TTBK2: variants seen among roughly 807,000 people sequenced by gnomAD.
The protein encoded by TTBK2 is tau-tubulin kinase 2.
Under a neutral mutation model 110.8 loss-of-function variants are expected in TTBK2, and 28 were observed. The observed-to-expected ratio is 0.25, with a 90% confidence interval of 0.19 to 0.35. The LOEUF (loss-of-function observed/expected upper bound fraction) is 0.35. TTBK2 is among the 10% of genes least tolerant of loss of function. The probability of loss-of-function intolerance (pLI) is 1.00; values close to 1 mark genes in which losing one functional copy is unlikely to be tolerated. For synonymous variants in TTBK2, 532 were observed against 527.3 expected (o/e 1.01, Z -0.12); for missense variants, 1,369 against 1,500.3 (o/e 0.91, Z 1.45).
At chr15:42,794,922 T>C in intron 9 of TTBK2, 121 bp from the exon 10 acceptor site, 2 of 1,335,924 alleles carry the variant, frequency 1.5e-6, no homozygotes, top group Non-Finnish European at 2.1e-6. Context: ...TAAAAACTGA[T>C]GGCTCAAATT....
chr15:42,816,633 G>A (rs1029759900), intron 7 of TTBK2, among the ~76,000 whole-genome samples: 3 of 152,066 alleles, frequency 2.0e-5, no homozygotes, highest in Non-Finnish European at 2.9e-5. Context: ...CAACTCTCAA[G>A]CACTTTCCAC....
chr15:42,835,396 T>C (rs1361240786), intron 4 of TTBK2, among the ~76,000 whole-genome samples: 1 of 151,988 alleles, frequency 6.6e-6, no homozygotes, highest in African/African-American at 2.4e-5. Context: ...TTATAGAAAA[T>C]ACAGGGGACA....
chr15:42,872,374 T>C (rs1158001486), intron 3 of TTBK2, among the ~76,000 whole-genome samples: 3 of 152,196 alleles, frequency 2.0e-5, no homozygotes, highest in African/African-American at 7.2e-5. Flanking sequence ...CACACTCTCT[T>C]ATCCTTACTC....
At chr15:42,869,200 A>T (rs1187983978) in intron 3 of TTBK2, among the ~76,000 whole-genome samples, 2 of 151,956 alleles carry the variant, frequency 1.3e-5, no homozygotes, top group Non-Finnish European at 2.9e-5. Context: ...CGATTCTCAT[A>T]CCTCAGCCTC....
At chr15:42,793,043 C>T (rs1474020167) in intron 10 of TTBK2, among the ~76,000 whole-genome samples, 1 of 152,186 alleles carries the variant, frequency 6.6e-6, no homozygotes, top group East Asian at 1.9e-4. Flanking sequence ...CCAGCTCTGC[C>T]ACTAATATTT....
intron 13 of TTBK2, 85 bp from the exon 14 acceptor site, chr15:42,753,332 C>A: frequency 7.3e-7 from 1 of 1,369,556 alleles, no homozygotes; most frequent in Non-Finnish European, 1.0e-6. Flanking sequence ...ATCTCCAATT[C>A]TAATTTATAG....
At chr15:42,869,601 C>T (rs7173097) in intron 3 of TTBK2, among the ~76,000 whole-genome samples, 58,251 of 151,800 alleles carry the variant, frequency 0.38, 12,734 homozygotes, top group African/African-American at 0.6. Context: ...ACCACCTTTG[C>T]AGTTTCAAAG....
intron 1 of TTBK2, among the ~76,000 whole-genome samples, chr15:42,916,523 C>T (rs1314116229): frequency 2.0e-5 from 3 of 152,104 alleles, no homozygotes; most frequent in Non-Finnish European, 4.4e-5. Context: ...GATGCGGTTT[C>T]GCCACGTTGG....
intron 4 of TTBK2, among the ~76,000 whole-genome samples, chr15:42,830,416 G>A (rs1379608941): frequency 2.0e-5 from 3 of 151,918 alleles, no homozygotes; most frequent in Non-Finnish European, 4.4e-5. Context: ...TCGAACTCCT[G>A]ACCTCAGGTG....
chr15:42,906,800 T>C (rs2030426156), intron 1 of TTBK2, among the ~76,000 whole-genome samples: 2 of 151,998 alleles, frequency 1.3e-5, no homozygotes, highest in African/African-American at 4.8e-5. Flanking sequence ...AACCAGAATA[T>C]ACAAGGAGTG....
intron 3 of TTBK2, among the ~76,000 whole-genome samples, chr15:42,872,306 A>G (rs1274579201): frequency 6.6e-6 from 1 of 152,224 alleles, no homozygotes; most frequent in African/African-American, 2.4e-5. Context: ...TTTAAAAAAG[A>G]AAGGCAAATA....
intron 3 of TTBK2, among the ~76,000 whole-genome samples, chr15:42,860,640 CTTTTTTTTTTTT>C (rs796405914): frequency 9.8e-6 from 1 of 102,124 alleles, no homozygotes; most frequent in South Asian, 3.6e-4. Flanking sequence ...GGTATTCTTT[CTTTTTTTTTTTT>C]TTTTTTTTTG....
intron 13 of TTBK2, among the ~76,000 whole-genome samples, chr15:42,760,872 G>A (rs781079925): frequency 6.6e-6 from 1 of 152,032 alleles, no homozygotes; most frequent in Non-Finnish European, 1.5e-5. Context: ...GCAATCCTAA[G>A]CAAAAATACA....
intron 1 of TTBK2, among the ~76,000 whole-genome samples, chr15:42,911,737 T>C (rs2030765420): frequency 6.6e-6 from 1 of 152,140 alleles, no homozygotes; most frequent in African/African-American, 2.4e-5. Context: ...TGTTTTAGCC[T>C]CTAAATTTTG....
intron 3 of TTBK2, among the ~76,000 whole-genome samples, chr15:42,842,786 C>T (rs1251181323): frequency 6.6e-6 from 1 of 151,696 alleles, no homozygotes; most frequent in Non-Finnish European, 1.5e-5. Flanking sequence ...ACTGTTCTCT[C>T]ATTCTCTATG....
chr15:42,750,665 G>T (rs2140579877), intron 14 of TTBK2, among the ~76,000 whole-genome samples: 1 of 151,872 alleles, frequency 6.6e-6, no homozygotes, highest in Non-Finnish European at 1.5e-5. Flanking sequence ...TCCAGAAGGA[G>T]AAAAGAGAAA....
At chr15:42,804,006 T>G (rs1417722390) in intron 9 of TTBK2, among the ~76,000 whole-genome samples, 14 of 51,588 alleles carry the variant, frequency 2.7e-4, no homozygotes, top group Admixed American at 8.5e-4. Flanking sequence ...CAGCGAGGAG[T>G]GCAAAAAAAA....
At chr15:42,756,263 C>T (rs1211134304) in intron 13 of TTBK2, among the ~76,000 whole-genome samples, 13 of 151,928 alleles carry the variant, frequency 8.6e-5, no homozygotes, top group Admixed American at 8.5e-4. Flanking sequence ...TAAGTACATT[C>T]GTCAAAATGA....
chr15:42,900,120 G>A (rs2029901249), intron 1 of TTBK2, among the ~76,000 whole-genome samples: 2 of 151,318 alleles, frequency 1.3e-5, no homozygotes, highest in African/African-American at 4.9e-5. Context: ...AGCCTCCTGA[G>A]TAGCTGGGAT....
Sources: allele counts gnomAD v4.1 joint callset (sites outside exome capture counted in the v4.1 genomes callset), GRCh38; gene constraint gnomAD v4.1.1; transcripts MANE v1.5; gene names NCBI Gene and HGNC (gene_info 2026-07-23, HGNC 2026-07-21).